The following TCF12 variants were observed in gnomAD, a reference collection of about 807,000 sequenced individuals.
The protein encoded by TCF12 is transcription factor 12, also known as DNA-binding protein HTF4.
In TCF12, 45 loss-of-function variants were observed where a neutral mutation model predicts 86.0. That is an observed-to-expected ratio of 0.52 (90% CI 0.41 to 0.67). The LOEUF is 0.67. Among genes scored for constraint, TCF12 ranks in the 30% least tolerant of loss-of-function variants. The pLI is 0.00. For missense variants in TCF12, 881 were observed against 859.9 expected (o/e 1.02, Z -0.31); for synonymous variants, 330 against 299.6 (o/e 1.10, Z -1.05).
At chr15:56,987,617 G>A (rs183754397) in intron 3 of TCF12, among the ~76,000 whole-genome samples, 2 of 152,214 alleles carry the variant, frequency 1.3e-5, no homozygotes, top group African/African-American at 4.8e-5. Flanking sequence ...TACAGTTTTG[G>A]TGCATGTCAG....
At chr15:57,265,486 C>T (rs2060819625) in intron 18 of TCF12, among the ~76,000 whole-genome samples, 1 of 152,036 alleles carries the variant, frequency 6.6e-6, no homozygotes, top group African/African-American at 2.4e-5. Flanking sequence ...TGCAGCCTCC[C>T]CCGACCCTGA....
At chr15:57,083,209 A>T (rs1296820108) in intron 4 of TCF12, among the ~76,000 whole-genome samples, 1 of 152,228 alleles carries the variant, frequency 6.6e-6, no homozygotes. Flanking sequence ...GGTTTAAACT[A>T]TACTGGTAAT....
chr15:57,047,829 A>G (rs1286540379), intron 3 of TCF12, among the ~76,000 whole-genome samples: 4 of 152,210 alleles, frequency 2.6e-5, no homozygotes, highest in Non-Finnish European at 5.9e-5. Flanking sequence ...TGCTAACATC[A>G]TAAAGAGTAC....
chr15:57,163,378 C>G (rs1233590065), intron 5 of TCF12, among the ~76,000 whole-genome samples: 1 of 152,016 alleles, frequency 6.6e-6, no homozygotes, highest in Non-Finnish European at 1.5e-5. Flanking sequence ...CATCTGTTAA[C>G]CCTTTAGATA....
intron 3 of TCF12, among the ~76,000 whole-genome samples, chr15:57,002,788 C>A (rs917356035): frequency 6.6e-6 from 1 of 152,164 alleles, no homozygotes; most frequent in Non-Finnish European, 1.5e-5. Flanking sequence ...CAGTCTATGG[C>A]GCTTCTCATG....
chr15:56,938,201 GC>G (rs2060569156), intron 3 of TCF12, among the ~76,000 whole-genome samples: 1 of 144,704 alleles, frequency 6.9e-6, no homozygotes, highest in Non-Finnish European at 1.5e-5. Context: ...TTGCTCTGTT[GC>G]CAGGCTGCAG....
intron 7 of TCF12, among the ~76,000 whole-genome samples, chr15:57,197,249 C>T (rs568729409): frequency 1.4e-5 from 2 of 147,444 alleles, no homozygotes; most frequent in East Asian, 2.0e-4. Context: ...CTCCATCTCC[C>T]GGGTTCAAGT....
chr15:57,130,761 T>C (rs1596700650), intron 5 of TCF12, among the ~76,000 whole-genome samples: 1 of 152,234 alleles, frequency 6.6e-6, no homozygotes, highest in African/African-American at 2.4e-5. Flanking sequence ...AATGTGCTTG[T>C]TGTGTTACAC....
At chr15:57,247,516 A>G in intron 13 of TCF12, 1 of 861,854 alleles carries the variant, frequency 1.2e-6, no homozygotes, top group South Asian at 1.3e-5. Flanking sequence ...TATCAACTGT[A>G]TCATGATCAT....
chr15:57,174,441 C>G (rs2055760354), intron 6 of TCF12, among the ~76,000 whole-genome samples: 1 of 152,166 alleles, frequency 6.6e-6, no homozygotes, highest in African/African-American at 2.4e-5. Context: ...TGAAAAAAAT[C>G]TATGGCTAAC....
intron 18 of TCF12, among the ~76,000 whole-genome samples, chr15:57,271,461 C>G (rs1270814032): frequency 6.6e-6 from 1 of 152,196 alleles, no homozygotes; most frequent in Non-Finnish European, 1.5e-5. Flanking sequence ...AGTATTTGGG[C>G]AGGAGTATAC....
chr15:57,170,789 A>G (rs1192234083), intron 6 of TCF12, among the ~76,000 whole-genome samples: 2 of 43,026 alleles, frequency 4.6e-5, no homozygotes, highest in Non-Finnish European at 7.9e-5. Flanking sequence ...ATATATATAT[A>G]TAATATATAT....
At chr15:57,031,934 A>G (rs1296459553) in intron 3 of TCF12, among the ~76,000 whole-genome samples, 1 of 152,188 alleles carries the variant, frequency 6.6e-6, no homozygotes, top group African/African-American at 2.4e-5. Flanking sequence ...GGGGGAGGGT[A>G]CCTTCAGCTC....
At chr15:56,966,699 C>G (rs2062021272) in intron 3 of TCF12, among the ~76,000 whole-genome samples, 1 of 151,994 alleles carries the variant, frequency 6.6e-6, no homozygotes, top group Non-Finnish European at 1.5e-5. Flanking sequence ...TTTTTTCTCA[C>G]ATAGCAAAAT....
At chr15:57,056,702 A>G (rs2068057406) in intron 3 of TCF12, among the ~76,000 whole-genome samples, 2 of 150,478 alleles carry the variant, frequency 1.3e-5, no homozygotes, top group Admixed American at 6.7e-5. Context: ...CAAGCAATCC[A>G]CCTGCCTTGG....
At chr15:56,963,944 CT>C (rs1410769344) in intron 3 of TCF12, among the ~76,000 whole-genome samples, 1 of 152,118 alleles carries the variant, frequency 6.6e-6, no homozygotes, top group African/African-American at 2.4e-5. Flanking sequence ...GTGGTTGGGT[CT>C]TTTGAAGTGC....
chr15:57,195,640 A>G (rs563333992), intron 7 of TCF12, among the ~76,000 whole-genome samples: 2 of 152,238 alleles, frequency 1.3e-5, no homozygotes, highest in African/African-American at 4.8e-5. Context: ...TGCTACATAT[A>G]AAGTTGCCTT....
chr15:57,054,773 CTTTTTTTTTTTTTTTTTTTT>C (rs35859330), intron 3 of TCF12, among the ~76,000 whole-genome samples: 6 of 24,188 alleles, frequency 2.5e-4, no homozygotes, highest in African/African-American at 7.3e-4. Flanking sequence ...AATGCCTCTG[CTTTTTTTTTTTTTTTTTTTT>C]TTTTTTTTTG....
At chr15:57,268,603 A>G (rs555524985) in intron 18 of TCF12, among the ~76,000 whole-genome samples, 102 of 152,302 alleles carry the variant, frequency 6.7e-4, no homozygotes, top group Admixed American at 1.3e-3. Flanking sequence ...GAAGAGGTAA[A>G]AATGTCTAAT....
Sources: allele counts gnomAD v4.1 joint callset (sites outside exome capture counted in the v4.1 genomes callset), GRCh38; gene constraint gnomAD v4.1.1; transcripts MANE v1.5; gene names NCBI Gene and HGNC (gene_info 2026-07-23, HGNC 2026-07-21).